The following ZNF493 variants were observed in gnomAD, a reference collection of about 807,000 sequenced individuals.
The protein encoded by ZNF493 is zinc finger protein 493.
A neutral mutation model predicts 12.2 loss-of-function variants in ZNF493; 11 were observed. The observed-to-expected ratio is 0.90, with a 90% CI of 0.57 to 1.50. ZNF493 has a LOEUF of 1.50. ZNF493 is among the 40% of genes most tolerant of loss of function. The probability of loss-of-function intolerance (pLI) is 0.00; values close to 1 mark genes in which losing one functional copy is unlikely to be tolerated. For synonymous variants in ZNF493, 286 were observed against 302.6 expected, an observed-to-expected ratio of 0.95 and a Z score of 0.57; for missense variants, 950 against 906.6, an observed-to-expected ratio of 1.05 and a Z score of -0.61.
chr19:21,405,450 T>G lies in ZNF493; in HGVS notation c.157+195T>G, dbSNP rs2030090909. 2.1e-6 allele frequency: 3 copies of G among 1,402,062 alleles called. No individual in the cohort carries two copies. The Admixed American group carries it at 9.4e-5, about 44-fold the overall frequency. 86.9% of individuals were successfully genotyped at this position (1,402,062 alleles called of 1,614,324 possible). ...TTATCTTGGCCTGATCTTTTTACATTTCTGAGCCGGTCTGTATCCTTCACT... is the reference window on the plus strand; with the variant it reads ...TTATCTTGGCCTGATCTTTTTACATGTCTGAGCCGGTCTGTATCCTTCACT... On this transcript the variant is annotated intron_variant, in intron 2 of 3. Coordinates refer to ENST00000392288, the MANE Select transcript of ZNF493 (RefSeq NM_001076678.3).
At chr19:21,400,573 T>A (rs2029904334) in intron 1 of ZNF493, among the ~76,000 whole-genome samples, 1 of 152,212 alleles carries the variant, frequency 6.6e-6, no homozygotes. Flanking sequence ...AGGCTAATAC[T>A]GAGCCTGCAA....
At chr19:21,420,591 T>TTTTA (rs1491162530) in intron 3 of ZNF493, among the ~76,000 whole-genome samples, 3 of 10,680 alleles carry the variant, frequency 2.8e-4, no homozygotes, top group African/African-American at 9.3e-4. Context: ...ACTCACTTGA[T>TTTTA]TATATATATA....
intron 1 of ZNF493, among the ~76,000 whole-genome samples, chr19:21,403,877 A>G (rs1448231346): frequency 6.6e-6 from 1 of 152,140 alleles, no homozygotes; most frequent in African/African-American, 2.4e-5. Flanking sequence ...TCTCTAAATC[A>G]TGGCTTCTTA....
chr19:21,398,703 G>T (rs781549809), intron 1 of ZNF493: 44 of 293,032 alleles, frequency 1.5e-4, no homozygotes, highest in Non-Finnish European at 2.7e-4. Context: ...ATTTTGAAAC[G>T]GGTAACCCTT....
chr19:21,423,762 A>G lies in ZNF493; in HGVS notation c.1103A>G (p.Lys368Arg). ...YKESSHLTTH[K>R]RIHTGEKPYK... Reference sequence around the variant, plus strand: ...GAGTCCTCACACCTTACTACACATAAAAGAATTCATACTGGAGAGAAACCC... The same window carrying G: ...GAGTCCTCACACCTTACTACACATAGAAGAATTCATACTGGAGAGAAACCC... Residue 368 changes from lysine (K) to arginine (R), a missense_variant, in exon 4 of 4, where the codon AAA becomes AGA. By Grantham distance (26) the Lys-to-Arg change is conservative (BLOSUM62 2). Transcript: ENST00000392288. 1.2e-6 allele frequency: 2 copies of G among 1,613,294 alleles called. No homozygotes were observed. Among genetic ancestry groups the G allele is most frequent in the Non-Finnish European group, 1.7e-6 (2 of 1,179,412 alleles).
At chr19:21,406,636 A>C (rs1025946030) in intron 3 of ZNF493, among the ~76,000 whole-genome samples, 2 of 151,922 alleles carry the variant, frequency 1.3e-5, no homozygotes, top group African/African-American at 2.4e-5. Flanking sequence ...TCTCTGTTCT[A>C]TTGGTTTTTA....
At chr19:21,409,341 G>A (rs1180485754) in intron 3 of ZNF493, among the ~76,000 whole-genome samples, 1 of 150,768 alleles carries the variant, frequency 6.6e-6, no homozygotes, top group Non-Finnish European at 1.5e-5. Context: ...GGGATTTGAA[G>A]GTAATTTTTG....
intron 3 of ZNF493, chr19:21,413,817 C>T (rs2030400484): frequency 4.9e-6 from 1 of 205,694 alleles, no homozygotes; most frequent in Non-Finnish European, 9.6e-6. Context: ...ACATGCTGTT[C>T]AGCTGCTGAT....
Position 21,424,813 on chromosome 19 carries a change from T to A in ZNF493, c.2154T>A (p.Cys718Ter). Reference sequence around the variant, plus strand: ...AGAAACCTTGCAAATGTGAAGAATGTGGCAAAGCTTTTAACCATTCCTCAA... The same window carrying A: ...AGAAACCTTGCAAATGTGAAGAATGAGGCAAAGCTTTTAACCATTCCTCAA... ...TGEKPCKCEECGKAFNHSSNL... is the reference protein window; with the variant it reads ...TGEKPCKCEE Residue 718 changes from cysteine to a stop codon, truncating the protein, a stop_gained, in exon 4 of 4, where the codon TGT becomes TGA. Coordinates refer to ENST00000392288, the MANE Select transcript of ZNF493 (RefSeq NM_001076678.3). LOFTEE classifies it low-confidence loss of function (END_TRUNC). The A allele has an allele frequency of 1.9e-6, 3 of 1,613,582 alleles. No individual in the cohort carries two copies. The highest frequency in any genetic ancestry group is 1.7e-6 in the Non-Finnish European group (2 of 1,179,742).
At chr19:21,421,214 T>TA (rs2030668572) in intron 3 of ZNF493, among the ~76,000 whole-genome samples, 1 of 151,960 alleles carries the variant, frequency 6.6e-6, no homozygotes, top group African/African-American at 2.4e-5. Flanking sequence ...TTTTTTTATA[T>TA]TTTTTTACCT....
intron 1 of ZNF493, 38 bp downstream of exon 1, chr19:21,397,305 G>A (rs780447428): frequency 6.2e-7 from 1 of 1,613,848 alleles, no homozygotes; most frequent in African/African-American, 1.3e-5. Context: ...GAGAGGGGAA[G>A]GAGTTGCTCG....
At chr19:21,418,951 A>T (rs1158927058) in intron 3 of ZNF493, among the ~76,000 whole-genome samples, 2 of 152,322 alleles carry the variant, frequency 1.3e-5, no homozygotes, top group African/African-American at 4.8e-5. Context: ...ACAGTGCTGC[A>T]GAGATTTTCT....
intron 3 of ZNF493, among the ~76,000 whole-genome samples, chr19:21,417,370 C>T (rs1341982651): frequency 1.3e-5 from 2 of 152,132 alleles, no homozygotes; most frequent in Non-Finnish European, 2.9e-5. Context: ...ACCTCCAATA[C>T]CATCAAAGGC....
rs202098429 is a variant in ZNF493, at chr19:21,405,757, G to T, written c.158-4G>T. Reference sequence around the variant, plus strand: ...ATTCATGTTATTTATTTTTAATAAAGCAGGTATTGCTGTCTCTAAGCCAGA... The same window carrying T: ...ATTCATGTTATTTATTTTTAATAAATCAGGTATTGCTGTCTCTAAGCCAGA... On this transcript the variant is annotated splice_region_variant and splice_polypyrimidine_tract_variant and intron_variant, in intron 2 of 3. Coordinates refer to ENST00000392288, the MANE Select transcript of ZNF493 (RefSeq NM_001076678.3). 5 of 1,608,268 alleles carry T rather than the reference G, an allele frequency of 3.1e-6. No individual in the cohort carries two copies. The highest frequency in any genetic ancestry group is 4.2e-6 in the Non-Finnish European group (5 of 1,176,886).
intron 3 of ZNF493, among the ~76,000 whole-genome samples, chr19:21,410,058 G>GTATATT (rs750161583): frequency 7.1e-6 from 1 of 139,910 alleles, no homozygotes; most frequent in African/African-American, 2.7e-5. Flanking sequence ...ATTTCATTGT[G>GTATATT]TGTATATATA....
intron 1 of ZNF493, among the ~76,000 whole-genome samples, chr19:21,399,434 A>G (rs1302019304): frequency 6.6e-6 from 1 of 152,186 alleles, no homozygotes; most frequent in Non-Finnish European, 1.5e-5. Context: ...TGCTGGGATT[A>G]CAGGTGTGAG....
chr19:21,408,232 T>G (rs953875179), intron 3 of ZNF493: 30 of 780,864 alleles, frequency 3.8e-5, no homozygotes, highest in Admixed American at 3.2e-4. Context: ...TTCAAGCGAT[T>G]CTCCTACCTC....
chr19:21,422,171 G>C (rs771739091), intron 3 of ZNF493, among the ~76,000 whole-genome samples: 11 of 152,022 alleles, frequency 7.2e-5, no homozygotes, highest in South Asian at 4.1e-4. Context: ...TTAATACTCA[G>C]TAATCACTTG....
Position 21,400,002 on chromosome 19 carries a change from G to A in ZNF493, c.30+2735G>A, listed in dbSNP as rs532429360. On this transcript the variant is annotated intron_variant, in intron 1 of 3. Transcript: ENST00000392288. ...ATGAGATGAAACTTGATACTGCCTGGAAGTGTTTTCATATGACTCATTGTT... is the reference window on the plus strand; with the variant it reads ...ATGAGATGAAACTTGATACTGCCTGAAAGTGTTTTCATATGACTCATTGTT... Among the ~76,000 whole-genome samples, 4 of 152,272 alleles carry A rather than the reference G, an allele frequency of 2.6e-5. No individual in the cohort carries two copies. In the South Asian group the frequency reaches 8.3e-4, roughly 32 times the overall value.
Sources: allele counts gnomAD v4.1 joint callset (sites outside exome capture counted in the v4.1 genomes callset), GRCh38; gene constraint gnomAD v4.1.1; transcripts MANE v1.5; gene names NCBI Gene and HGNC (gene_info 2026-07-23, HGNC 2026-07-21).